SVEP1: variants seen among roughly 807,000 people sequenced by gnomAD.
The protein encoded by SVEP1 is sushi, von Willebrand factor type A, EGF and pentraxin domain containing 1.
SVEP1 carries 164 observed loss-of-function variants against 367.3 expected under a neutral mutation model. The ratio of observed to expected loss-of-function variants is 0.45; its 90% CI spans 0.39 to 0.51. The LOEUF (loss-of-function observed/expected upper bound fraction) is 0.51, where lower values mean the gene tolerates loss of function less well. Among genes scored for constraint, SVEP1 ranks in the 20% least tolerant of loss-of-function variants. The pLI is 0.00. For missense variants in SVEP1, 4,117 were observed against 4,425.3 expected, an observed-to-expected ratio of 0.93 and a Z score of 1.98; for synonymous variants, 1,666 against 1,611.6, an observed-to-expected ratio of 1.03 and a Z score of -0.81.
At position 110,407,611 on chromosome 9, in the gene SVEP1, A is replaced by G. The variant is rs752207935; in HGVS notation, c.7989T>C (p.Asn2663=). Residue 2663 remains asparagine (N), a synonymous_variant, in exon 38 of 48, where the codon AAT becomes AAC. Transcript: ENST00000374469. ...AATGTGTAGCAGGAGACTCCTTTGT[A>G]TTTTCCCAGGTTTTAGCCACTGCTC... ...HLGAVAKTWE[N]TKESPATHSS... is the part of the protein sequence containing the mutation. The G allele has an allele frequency of 1.2e-6, 2 of 1,613,906 alleles. No individual in the cohort carries two copies. Among genetic ancestry groups the G allele is most frequent in the Non-Finnish European group, 1.7e-6 (2 of 1,179,846 alleles).
chr9:110,511,502 T>A (rs1410662277), intron 5 of SVEP1, among the ~76,000 whole-genome samples: 2 of 41,280 alleles, frequency 4.8e-5, no homozygotes, highest in South Asian at 1.0e-3. Context: ...TTTTTTTTTT[T>A]TTTTTTTTTT....
chr9:110,377,248 G>T lies in SVEP1; in HGVS notation c.10504+23C>A, dbSNP rs546364263. 1,371 of 1,607,362 alleles carry T rather than the reference G, an allele frequency of 8.5e-4. 24 individuals are homozygous for T. In the South Asian group the frequency reaches 0.014, roughly 17 times the overall value. On this transcript the variant is annotated intron_variant, in intron 45 of 47. Transcript: ENST00000374469. The stretch of plus-strand genomic sequence containing the variant: ...TCCAGGCAATTTGTCAGGACTCAAA[G>T]TAAGATCTGAAGAGCAACTCACGTT...
chr9:110,471,268 T>G (rs1829013098), intron 16 of SVEP1, 96 bp downstream of exon 16: 2 of 1,008,082 alleles, frequency 2.0e-6, no homozygotes, highest in Non-Finnish European at 2.9e-6. Flanking sequence ...AAAATATGTT[T>G]CATTTCAATA....
chr9:110,447,331 G>A (rs374564562), intron 24 of SVEP1, among the ~76,000 whole-genome samples: 1 of 152,310 alleles, frequency 6.6e-6, no homozygotes, highest in African/African-American at 2.4e-5. Flanking sequence ...TCTCCTCATA[G>A]GAGTTCTCAG....
At chr9:110,548,030 G>A (rs1830241563) in intron 2 of SVEP1, among the ~76,000 whole-genome samples, 1 of 152,126 alleles carries the variant, frequency 6.6e-6, no homozygotes, top group Non-Finnish European at 1.5e-5. Context: ...AGAAGACAGA[G>A]GGATGACAGG....
chr9:110,438,270 T>C (rs1828461496), intron 27 of SVEP1, among the ~76,000 whole-genome samples: 1 of 137,996 alleles, frequency 7.2e-6, no homozygotes, highest in Non-Finnish European at 1.5e-5. Flanking sequence ...CAATGCAACC[T>C]CTACCTCCCA....
intron 1 of SVEP1, among the ~76,000 whole-genome samples, chr9:110,568,985 G>T (rs528942806): frequency 6.7e-6 from 1 of 149,380 alleles, no homozygotes; most frequent in East Asian, 2.0e-4. Context: ...TGTAGTCCCT[G>T]CTACTTAGGA....
intron 1 of SVEP1, among the ~76,000 whole-genome samples, chr9:110,557,692 C>A (rs918002856): frequency 6.6e-6 from 1 of 152,078 alleles, no homozygotes; most frequent in African/African-American, 2.4e-5. Context: ...AAACAATGAA[C>A]AACTAACTGG....
chr9:110,499,678 T>C (rs1829502483), intron 6 of SVEP1, among the ~76,000 whole-genome samples: 1 of 152,244 alleles, frequency 6.6e-6, no homozygotes, highest in Non-Finnish European at 1.5e-5. Flanking sequence ...GAAAAGTTTC[T>C]AATAGCCTTC....
At position 110,376,969 on chromosome 9, in the gene SVEP1, A is replaced by G. The variant is rs949553782; in HGVS notation, c.10504+302T>C. The G allele has an allele frequency of 6.9e-5, 17 of 246,718 alleles. No individual in the cohort carries two copies. The East Asian group carries it at 1.3e-3, about 18-fold the overall frequency. The allele number at this position is 246,718 out of a possible 1,614,324, so 15.3% of individuals were successfully genotyped here. A position where few individuals can be genotyped will look rare whatever the true frequency, so the allele number is the denominator to read the frequency against. On this transcript the variant is annotated intron_variant, in intron 45 of 47. Coordinates refer to ENST00000374469, the MANE Select transcript of SVEP1 (RefSeq NM_153366.4). ...CATAGCACATAGTAGACCTTGAGTT[A>G]AGGGAAGAGGATAGCTTGGAGACTT...
intron 3 of SVEP1, among the ~76,000 whole-genome samples, chr9:110,544,296 A>G (rs1389824859): frequency 6.6e-6 from 1 of 152,194 alleles, no homozygotes; most frequent in Non-Finnish European, 1.5e-5. Context: ...ATGGTACTAA[A>G]TAAAGCAAAC....
intron 3 of SVEP1, among the ~76,000 whole-genome samples, chr9:110,532,430 C>T (rs572985027): frequency 5.9e-5 from 9 of 152,090 alleles, no homozygotes; most frequent in South Asian, 2.1e-4. Flanking sequence ...AAGAAATGAA[C>T]GGACACACAA....
chr9:110,408,942 C>A lies in SVEP1; in HGVS notation c.6658G>T (p.Gly2220Cys). Residue 2220 changes from glycine to cysteine, a missense_variant, in exon 38 of 48, where the codon GGC becomes TGC. Physicochemically the swap from Gly to Cys is radical, Grantham distance 159 (BLOSUM62 -3). This residue lies in a region of SVEP1 where 1,765 missense variants were observed against 1,781.1 expected (regional missense o/e 0.99). Coordinates refer to ENST00000374469, the MANE Select transcript of SVEP1 (RefSeq NM_153366.4). ...VENGFLEHTTGRIFESEVRYQ... is the reference protein window; with the variant it reads ...VENGFLEHTTCRIFESEVRYQ... Reference sequence around the variant, plus strand: ...CTCACTTCACTCTCAAAGATCCTGCCAGTTGTATGCTGTGCAACAGGAAGA... The same window carrying A: ...CTCACTTCACTCTCAAAGATCCTGCAAGTTGTATGCTGTGCAACAGGAAGA... The A allele has an allele frequency of 1.3e-6, 2 of 1,573,842 alleles. No homozygotes were observed. The highest frequency in any genetic ancestry group is 1.7e-6 in the Non-Finnish European group (2 of 1,160,942).
intron 33 of SVEP1, 131 bp from the exon 34 acceptor site, chr9:110,430,135 T>G (rs1487357091): frequency 3.6e-5 from 40 of 1,116,632 alleles, no homozygotes; most frequent in East Asian, 1.8e-4. Flanking sequence ...TGTGTGTGTG[T>G]GGGGTCATGT....
chr9:110,423,551 TG>T (rs760187852), intron 36 of SVEP1, among the ~76,000 whole-genome samples: 33 of 152,110 alleles, frequency 2.2e-4, no homozygotes, highest in African/African-American at 7.7e-4. Context: ...GTCTTCAAGT[TG>T]TTCAGGAAGA....
chr9:110,514,164 C>T (rs1370524289), intron 3 of SVEP1, 58 bp from the exon 4 acceptor site: 2 of 1,566,320 alleles, frequency 1.3e-6, no homozygotes, highest in South Asian at 1.2e-5. Flanking sequence ...TGGTAGTTAA[C>T]AAAACATTTG....
Position 110,406,847 on chromosome 9 carries a change from T to C in SVEP1, c.8753A>G (p.His2918Arg), listed in dbSNP as rs760135789. The C allele has an allele frequency of 9.9e-6, 16 of 1,613,876 alleles. No individual in the cohort carries two copies. In the South Asian group the frequency reaches 1.5e-4, roughly 16 times the overall value. The change falls in exon 38 of 48, where the codon CAC (histidine) becomes CGC (arginine). Residue 2918 changes from histidine (H) to arginine (R), a missense_variant. This residue lies in a region of SVEP1 where 1,765 missense variants were observed against 1,781.1 expected (regional missense o/e 0.99). Coordinates refer to ENST00000374469, the MANE Select transcript of SVEP1 (RefSeq NM_153366.4). ...GFMKEVTFHC[H>R]EGYILHGAPK... ...AGCACCGTGCAAGATGTAGCCCTCG[T>C]GACAGTGGAATGTTACTTCCTTCAT...
chr9:110,441,113 G>A (rs1021328058), intron 27 of SVEP1, among the ~76,000 whole-genome samples: 3 of 152,154 alleles, frequency 2.0e-5, no homozygotes, highest in Admixed American at 6.5e-5. Context: ...GGTATTACAA[G>A]GAAGTTTTGG....
At chr9:110,473,881 G>A (rs1284258687) in intron 14 of SVEP1, among the ~76,000 whole-genome samples, 1 of 152,172 alleles carries the variant, frequency 6.6e-6, no homozygotes, top group Admixed American at 6.5e-5. Context: ...ATTGTCAAAT[G>A]CCCTCTTAAT....
Sources: allele counts gnomAD v4.1 joint callset (sites outside exome capture counted in the v4.1 genomes callset), GRCh38; gene constraint gnomAD v4.1.1; regional missense constraint gnomAD v4.1.1; transcripts MANE v1.5; gene names NCBI Gene and HGNC (gene_info 2026-07-23, HGNC 2026-07-21).